The following STAG1 variants were observed in gnomAD, a reference collection of about 807,000 sequenced individuals.
The protein encoded by STAG1 is cohesin subunit SA-1.
Under a neutral mutation model 170.9 loss-of-function variants are expected in STAG1, and 26 were observed. That is an observed-to-expected ratio of 0.15 (90% CI 0.11 to 0.21). STAG1 has a LOEUF of 0.21. STAG1 is among the 10% of genes least tolerant of loss of function. The pLI, the probability that STAG1 is intolerant of heterozygous loss-of-function variation, is 1.00. For missense variants in STAG1, 964 were observed against 1,509.5 expected (o/e 0.64, Z 5.99); for synonymous variants, 514 against 497.7 (o/e 1.03, Z -0.44).
At chr3:136,440,095 A>G (rs1200202604) in intron 15 of STAG1, among the ~76,000 whole-genome samples, 5 of 152,180 alleles carry the variant, frequency 3.3e-5, no homozygotes, top group Admixed American at 3.3e-4. Flanking sequence ...GAAAGTTAAC[A>G]ATATCAAAGC....
chr3:136,656,619 GT>G (rs1941384149), intron 1 of STAG1, among the ~76,000 whole-genome samples: 1 of 147,640 alleles, frequency 6.8e-6, no homozygotes, highest in South Asian at 2.2e-4. Flanking sequence ...GTATTTATTT[GT>G]GTGTGTGTGT....
chr3:136,464,614 T>C (rs2089399121), intron 13 of STAG1, among the ~76,000 whole-genome samples: 1 of 152,144 alleles, frequency 6.6e-6, no homozygotes, highest in Non-Finnish European at 1.5e-5. Context: ...TTTTATAAAT[T>C]TCATGCATTC....
chr3:136,742,322 A>G (rs1934708985), intron 1 of STAG1, among the ~76,000 whole-genome samples: 1 of 152,248 alleles, frequency 6.6e-6, no homozygotes, highest in African/African-American at 2.4e-5. Context: ...ATAAGTTTCA[A>G]TAAATTTTAA....
chr3:136,338,409 T>C lies in STAG1; in HGVS notation c.3714A>G (p.Pro1238=), dbSNP rs747100449. The C allele has an allele frequency of 7.4e-6, 12 of 1,613,934 alleles. No individual in the cohort carries two copies. In the African/African-American group the frequency reaches 1.5e-4, roughly 20 times the overall value. ...RNRRERAELR[P]DFFDSAAIIE... Reference sequence around the variant, plus strand: ...TGATAGCTGCAGAGTCAAAGAAGTCTGGCCTTAGCTCAGCTCTCTCTCGCC... The same window carrying C: ...TGATAGCTGCAGAGTCAAAGAAGTCCGGCCTTAGCTCAGCTCTCTCTCGCC... Residue 1238 remains proline (P), a synonymous_variant, in exon 33 of 34, where the codon CCA becomes CCG. Transcript: ENST00000383202.
chr3:136,417,550 C>T lies in STAG1; in HGVS notation c.2196+335G>A, dbSNP rs567913222. 40 of 204,208 alleles carry T rather than the reference C, an allele frequency of 2.0e-4. No homozygotes were observed. In the South Asian group the frequency reaches 3.5e-3, roughly 18 times the overall value. 12.6% of individuals were successfully genotyped at this position (204,208 alleles called of 1,614,324 possible). On this transcript the variant is annotated intron_variant, in intron 21 of 33. Coordinates refer to ENST00000383202, the MANE Select transcript of STAG1 (RefSeq NM_005862.3). ...TACTTAATATGATTAATACCTAGAA[C>T]ACGGCTGGAATATACCCATCATCAA...
At chr3:136,718,461 T>C (rs774429976) in intron 1 of STAG1, among the ~76,000 whole-genome samples, 43 of 152,234 alleles carry the variant, frequency 2.8e-4, no homozygotes, top group Non-Finnish European at 4.7e-4. Flanking sequence ...GGTAGAAATC[T>C]AGGTTTTAAT....
chr3:136,677,106 T>G (rs1024512175), intron 1 of STAG1, among the ~76,000 whole-genome samples: 1 of 152,184 alleles, frequency 6.6e-6, no homozygotes, highest in Non-Finnish European at 1.5e-5. Context: ...TTTTTATAAG[T>G]AGGAGTACAC....
rs1935697441 is a variant in STAG1 at position 136,336,837 on chromosome 3, T to G, written c.*1417A>C. ...GTGTGCAGAATTTTAAAAAATGTTT[T>G]TCGTATTTGATAAAAAGGGAAAGCC... On this transcript the variant is annotated 3_prime_UTR_variant, in exon 34 of 34. Transcript: ENST00000383202. 2 of 152,222 alleles carry G rather than the reference T, an allele frequency of 1.3e-5. No individual in the cohort carries two copies. Among genetic ancestry groups the G allele is most frequent in the South Asian group, 4.1e-4 (2 of 4,832 alleles). 9.4% of individuals were successfully genotyped at this position (152,222 alleles called of 1,614,324 possible).
At chr3:136,502,592 A>T in intron 8 of STAG1, 36 bp downstream of exon 8, 1 of 1,602,044 alleles carries the variant, frequency 6.2e-7, no homozygotes, top group South Asian at 1.1e-5. Context: ...CCACACATTT[A>T]CAGAACATAA....
intron 1 of STAG1, among the ~76,000 whole-genome samples, chr3:136,704,107 G>C (rs1943156871): frequency 6.7e-6 from 1 of 148,890 alleles, no homozygotes; most frequent in Admixed American, 6.7e-5. Context: ...CTGGAGTGCA[G>C]TGGTGCGATC....
chr3:136,452,074 T>A lies in STAG1; in HGVS notation c.1387A>T (p.Asn463Tyr). The change falls in exon 14 of 34, where the codon AAC becomes TAC. Residue 463 changes from asparagine to tyrosine, a missense_variant. Transcript: ENST00000383202. The stretch of plus-strand genomic sequence containing the variant: ...AAAAGAACCAGCATCCTAATGAGGT[T>A]TCCATTCGGGCTGTTTCTTCCCCTC... ...KRRGRNSPNG[N>Y]LIRMLVLFFL... 6.2e-7 allele frequency: 1 copy of A among 1,613,582 alleles called. No individual in the cohort carries two copies. Among genetic ancestry groups the A allele is most frequent in the East Asian group, 2.2e-5 (1 of 44,806 alleles).
chr3:136,679,112 G>A (rs533770708), intron 1 of STAG1, among the ~76,000 whole-genome samples: 1 of 152,212 alleles, frequency 6.6e-6, no homozygotes, highest in South Asian at 2.1e-4. Context: ...TATTGGGCTG[G>A]CAAACTTAAA....
chr3:136,605,502 T>G (rs1163920670), intron 3 of STAG1, among the ~76,000 whole-genome samples: 1 of 152,218 alleles, frequency 6.6e-6, no homozygotes. Flanking sequence ...AGACATTTCT[T>G]GAAACTCTCT....
At chr3:136,383,703 C>A (rs1168906668) in intron 22 of STAG1, among the ~76,000 whole-genome samples, 2 of 152,092 alleles carry the variant, frequency 1.3e-5, no homozygotes, top group Non-Finnish European at 2.9e-5. Flanking sequence ...CGCCTGTAAT[C>A]CCAGCACTTT....
intron 4 of STAG1, among the ~76,000 whole-genome samples, chr3:136,572,125 G>C (rs1041906069): frequency 3.9e-5 from 6 of 152,150 alleles, no homozygotes; most frequent in Non-Finnish European, 8.8e-5. Context: ...TGAGGCACAA[G>C]AATCACTTGA....
intron 10 of STAG1, among the ~76,000 whole-genome samples, chr3:136,474,205 T>C (rs55954848): frequency 1.3e-5 from 2 of 152,116 alleles, no homozygotes; most frequent in African/African-American, 4.8e-5. Flanking sequence ...GCGTACAGGA[T>C]GTTGATGATC....
At chr3:136,740,744 G>T (rs1702819100) in intron 1 of STAG1, among the ~76,000 whole-genome samples, 1 of 152,016 alleles carries the variant, frequency 6.6e-6, no homozygotes, top group African/African-American at 2.4e-5. Context: ...CCTCCAAAAG[G>T]GCTAGGATTA....
intron 11 of STAG1, 108 bp downstream of exon 11, chr3:136,473,431 T>C (rs755184623): frequency 4.9e-6 from 4 of 813,526 alleles, no homozygotes; most frequent in Non-Finnish European, 7.5e-6. Context: ...ACTGCTGTAA[T>C]AAAGAATATG....
chr3:136,414,779 A>T (rs1021396614), intron 21 of STAG1, among the ~76,000 whole-genome samples: 23 of 152,206 alleles, frequency 1.5e-4, no homozygotes, highest in South Asian at 2.1e-4. Context: ...GAAAGTAAAA[A>T]TTACTTCTGT....
Sources: gnomAD v4.1 joint callset for allele counts (sites outside exome capture counted in the v4.1 genomes callset) on GRCh38, gnomAD v4.1.1 for gene constraint, MANE v1.5 for transcripts, NCBI Gene and HGNC (gene_info 2026-07-23, HGNC 2026-07-21) for gene names.